The following HDC variants were observed in gnomAD, a reference collection of about 807,000 sequenced individuals.
HDC encodes the protein histidine decarboxylase.
In HDC, 27 loss-of-function variants were observed where a neutral mutation model predicts 64.4. That is an observed-to-expected ratio of 0.42 (90% CI 0.31 to 0.58). HDC has a LOEUF of 0.58. HDC is among the 20% of genes least tolerant of loss of function. HDC has a pLI of 0.16. For synonymous variants in HDC, 305 were observed against 314.2 expected, an observed-to-expected ratio of 0.97 and a Z score of 0.31; for missense variants, 711 against 833.9, an observed-to-expected ratio of 0.85 and a Z score of 1.81.
chr15:50,254,089 A>G, intron 6 of HDC, 41 bp downstream of exon 6: 11 of 1,611,770 alleles, frequency 6.8e-6, no homozygotes, highest in Non-Finnish European at 9.3e-6. Context: ...CCTCACATCC[A>G]AGTTCTATCA....
chr15:50,252,962 T>A (rs2070596), intron 7 of HDC, 188 bp from the exon 8 acceptor site: 119,933 of 624,828 alleles, frequency 0.19, 12,447 homozygotes, highest in South Asian at 0.24. Flanking sequence ...CATCATTACC[T>A]CCGAATGGGA....
chr15:50,245,637 G>A (rs1037637662), intron 10 of HDC, among the ~76,000 whole-genome samples: 1 of 152,176 alleles, frequency 6.6e-6, no homozygotes, highest in African/African-American at 2.4e-5. Flanking sequence ...GCTCATGCCT[G>A]TAATCCTCGC....
intron 9 of HDC, among the ~76,000 whole-genome samples, chr15:50,251,165 A>G (rs942417012): frequency 6.6e-5 from 10 of 152,236 alleles, no homozygotes; most frequent in African/African-American, 2.4e-4. Flanking sequence ...CTGGACACAG[A>G]GTTTAAGTCA....
At chr15:50,258,273 T>C (rs2045657977) in intron 3 of HDC, 131 bp downstream of exon 3, 1 of 701,802 alleles carries the variant, frequency 1.4e-6, no homozygotes, top group East Asian at 2.8e-5. Flanking sequence ...AAGCGTAAGC[T>C]TAAAGAATAT....
In HDC at chr15:50,242,937, C is replaced by G. The variant is rs1167720494; in HGVS notation, c.1312G>C (p.Ala438Pro). The G allele has an allele frequency of 6.2e-7, 1 of 1,613,948 alleles. No homozygotes were observed. The highest frequency in any genetic ancestry group is 8.5e-7 in the Non-Finnish European group (1 of 1,180,008). The stretch of plus-strand genomic sequence containing the variant: ...ATGATTAACTTGTCCTGGATAGTGG[C>G]CGGGATGAGGAAGAGACGGCCAGCT... ...AKAGRLFLIP[A>P]TIQDKLIIRF... The change falls in exon 12 of 12, where the codon GCC (alanine) becomes CCC (proline). Residue 438 changes from alanine to proline, a missense_variant. By Grantham distance (27) the Ala-to-Pro change is conservative. This residue lies in a region of HDC where 483 missense variants were observed against 540.9 expected (regional missense o/e 0.89). Transcript: ENST00000267845.
chr15:50,253,735 T>G, intron 6 of HDC, 69 bp from the exon 7 acceptor site: 1 of 1,244,648 alleles, frequency 8.0e-7, no homozygotes, highest in Non-Finnish European at 1.2e-6. Flanking sequence ...CTGAGAAAGA[T>G]TTCACCACAG....
At chr15:50,252,984 G>T in intron 7 of HDC, 1 of 601,930 alleles carries the variant, frequency 1.7e-6, no homozygotes, top group Non-Finnish European at 2.9e-6. Flanking sequence ...AGTCTACAAA[G>T]CCTCACCCTT....
intron 11 of HDC, 56 bp from the exon 12 acceptor site, chr15:50,243,062 A>T: frequency 6.2e-7 from 1 of 1,614,088 alleles, no homozygotes; most frequent in Non-Finnish European, 8.5e-7. Flanking sequence ...CAGCATCCCC[A>T]GAGCCCAGCA....
intron 10 of HDC, among the ~76,000 whole-genome samples, chr15:50,245,470 G>A (rs2045469173): frequency 6.6e-6 from 1 of 152,066 alleles, no homozygotes; most frequent in African/African-American, 2.4e-5. Flanking sequence ...ATGAAGAAGG[G>A]GAAGAAGAGA....
At chr15:50,264,663 C>G (rs781149891) in intron 1 of HDC, among the ~76,000 whole-genome samples, 11 of 152,076 alleles carry the variant, frequency 7.2e-5, no homozygotes, top group Non-Finnish European at 1.2e-4. Context: ...CTGCTTTTAC[C>G]TAGGAGAGGG....
chr15:50,252,857 G>A (rs543261442), intron 7 of HDC, 83 bp from the exon 8 acceptor site: 23 of 1,386,936 alleles, frequency 1.7e-5, no homozygotes, highest in Non-Finnish European at 2.0e-5. Context: ...TGAGTGGTGG[G>A]CTGCAAGGAT....
In HDC at chr15:50,242,077, G is replaced by C. The variant is rs1278492766; in HGVS notation, c.*183C>G. 3 of 647,168 alleles carry C rather than the reference G, an allele frequency of 4.6e-6. No homozygotes were observed. The highest frequency in any genetic ancestry group is 4.2e-4 in the Middle Eastern group (1 of 2,388). 40.1% of individuals were successfully genotyped at this position (647,168 alleles called of 1,614,324 possible). On this transcript the variant is annotated 3_prime_UTR_variant, in exon 12 of 12. Coordinates refer to ENST00000267845, the MANE Select transcript of HDC (RefSeq NM_002112.4). The stretch of plus-strand genomic sequence containing the variant: ...CTGCTGAACCCATCTGGATCATGCT[G>C]GCTTAAACTCTTCGTTTGTATCCTA...
Position 50,252,526 on chromosome 15 carries a change from G to A in HDC, c.951-6C>T. The A allele has an allele frequency of 6.2e-7, 1 of 1,614,202 alleles. No individual in the cohort carries two copies. Among genetic ancestry groups the A allele is most frequent in the African/African-American group, 1.3e-5 (1 of 75,050 alleles). The stretch of plus-strand genomic sequence containing the variant: ...GCTTGTACTTGTCCTTGACCCTGTG[G>A]GTTTCCAAATGGGCATTAGTGGCTG... On this transcript the variant is annotated splice_polypyrimidine_tract_variant and splice_region_variant and intron_variant, in intron 8 of 11. Transcript: ENST00000267845.
Position 50,257,427 on chromosome 15 carries a change from G to A in HDC, c.439C>T (p.Gln147Ter). The change falls in exon 4 of 12, where the codon CAG (glutamine) becomes TAG (stop). Residue 147 changes from glutamine (Q) to a stop codon, truncating the protein, a stop_gained and splice_region_variant. Coordinates refer to ENST00000267845, the MANE Select transcript of HDC (RefSeq NM_002112.4). LOFTEE classifies it high-confidence loss of function. ...TGAAGCTTTGCCAAGGGAGGTACCT[G>A]CAGGACGCCTCCGCCCTGGCTGCTG... ...HPSSQGGGVL[Q>*]STVSESTLIA... 6.2e-7 allele frequency: 1 copy of A among 1,614,198 alleles called. No individual in the cohort carries two copies. Among genetic ancestry groups the A allele is most frequent in the South Asian group, 1.1e-5 (1 of 91,088 alleles).
intron 9 of HDC, among the ~76,000 whole-genome samples, chr15:50,251,056 C>T (rs115090084): frequency 0.028 from 4,324 of 152,354 alleles, 86 homozygotes; most frequent in African/African-American, 0.046. Flanking sequence ...GGGTCAGACA[C>T]TGCTCTCAGC....
At chr15:50,253,923 A>G in intron 6 of HDC, 1 of 659,146 alleles carries the variant, frequency 1.5e-6, no homozygotes. Flanking sequence ...CTAATATTTT[A>G]TACTATATTT....
At position 50,242,756 on chromosome 15, in the gene HDC, C is replaced by T; in HGVS notation, c.1493G>A (p.Arg498Lys). The T allele has an allele frequency of 6.2e-7, 1 of 1,614,024 alleles. No individual in the cohort carries two copies. Among genetic ancestry groups the T allele is most frequent in the Non-Finnish European group, 8.5e-7 (1 of 1,180,022 alleles). Reference sequence around the variant, plus strand: ...AAGGGACGTTCCACAGGCCCAGGCTCTGGCACCCCTGATTTGGGAGATGAG... The same window carrying T: ...AAGGGACGTTCCACAGGCCCAGGCTTTGGCACCCCTGATTTGGGAGATGAG... ...GNLISQIRGA[R>K]AWACGTSLQS... is the part of the protein sequence containing the mutation. The change falls in exon 12 of 12, where the codon AGA becomes AAA. Residue 498 changes from arginine to lysine, a missense_variant. Around this residue, in one of 3 missense-constraint regions of HDC, gnomAD observed 483 missense variants for 540.9 expected, o/e 0.89. Transcript: ENST00000267845.
intron 1 of HDC, among the ~76,000 whole-genome samples, chr15:50,265,216 G>A (rs1008405949): frequency 6.6e-6 from 1 of 152,054 alleles, no homozygotes; most frequent in Non-Finnish European, 1.5e-5. Flanking sequence ...AAGAAAGAAA[G>A]GATTTGCAGT....
At chr15:50,246,454 C>T (rs569436149) in intron 10 of HDC, among the ~76,000 whole-genome samples, 37 of 152,250 alleles carry the variant, frequency 2.4e-4, no homozygotes, top group African/African-American at 8.2e-4. Flanking sequence ...AGAAAAGCTT[C>T]TAGTGGAAGC....
Sources: gnomAD v4.1 joint callset for allele counts (sites outside exome capture counted in the v4.1 genomes callset) on GRCh38, gnomAD v4.1.1 for gene constraint, gnomAD v4.1.1 regional missense constraint, MANE v1.5 for transcripts, NCBI Gene and HGNC (gene_info 2026-07-23, HGNC 2026-07-21) for gene names.